Variants in AAR2 observed in about 807,000 individuals in gnomAD.
AAR2 encodes AAR2 splicing factor, also known as protein AAR2 homolog.
In AAR2, 31 loss-of-function variants were observed where a neutral mutation model predicts 26.9. The observed-to-expected ratio is 1.15, with a 90% CI of 0.86 to 1.55. AAR2 has a LOEUF of 1.55. Ranked by LOEUF, AAR2 falls within the 40% of genes most tolerant of loss-of-function variation. AAR2 has a pLI of 0.00. For synonymous variants in AAR2, 188 were observed against 196.1 expected (o/e 0.96, Z 0.34); for missense variants, 430 against 491.3 (o/e 0.88, Z 1.18).
chr20:36,237,437 TC>T (rs901344248), intron 1 of AAR2, among the ~76,000 whole-genome samples: 3 of 152,206 alleles, frequency 2.0e-5, no homozygotes, highest in Admixed American at 6.5e-5. Flanking sequence ...CTTTAGGTGT[TC>T]CAGGACTGTG....
chr20:36,245,100 CAG>C (rs2064721799), intron 3 of AAR2, among the ~76,000 whole-genome samples, 174 bp downstream of exon 3: 1 of 151,956 alleles, frequency 6.6e-6, no homozygotes, highest in African/African-American at 2.4e-5. Context: ...GCCTCTATGC[CAG>C]AAATTTTCTC....
chr20:36,254,687 T>TA (rs1444791240), intron 3 of AAR2, among the ~76,000 whole-genome samples: 1 of 152,184 alleles, frequency 6.6e-6, no homozygotes, highest in African/African-American at 2.4e-5. Flanking sequence ...TGCCACAGTT[T>TA]AAAAAATAAA....
At chr20:36,244,668 G>A in intron 2 of AAR2, 29 bp from the exon 3 acceptor site, 1 of 1,604,366 alleles carries the variant, frequency 6.2e-7, no homozygotes, top group Non-Finnish European at 8.5e-7. Flanking sequence ...CTCTCCCTCA[G>A]AATCACTTCT....
At position 36,240,398 on chromosome 20, in the gene AAR2, A is replaced by G. The variant is rs747984876; in HGVS notation, c.530A>G (p.Asn177Ser). The G allele has an allele frequency of 1.2e-6, 2 of 1,614,254 alleles. No individual in the cohort carries two copies. The highest frequency in any genetic ancestry group is 3.3e-5 in the Admixed American group (2 of 60,030). The stretch of plus-strand genomic sequence containing the variant: ...CACACCAAGGACCGCGTGGGGCAGA[A>G]TCTACCCCGCTGTGGCATTGAGTGC... ...MKHTKDRVGQ[N>S]LPRCGIECKS... The change falls in exon 2 of 4, where the codon AAT becomes AGT. Residue 177 changes from asparagine to serine, a missense_variant. Physicochemically the swap from Asn to Ser is conservative, Grantham distance 46. Coordinates refer to ENST00000320849, the MANE Select transcript of AAR2 (RefSeq NM_001271874.2).
chr20:36,239,852 C>G lies in AAR2; in HGVS notation c.-17C>G. 6.5e-7 allele frequency: 1 copy of G among 1,536,894 alleles called. No homozygotes were observed. Among genetic ancestry groups the G allele is most frequent in the Non-Finnish European group, 8.8e-7 (1 of 1,141,078 alleles). ...ATCAAAGAAAAAGGGTTCTTTTGGT[C>G]ACCCACCACTGGCCCCATGGCTGCC... On this transcript the variant is annotated 5_prime_UTR_variant, in exon 2 of 4. Transcript: ENST00000320849.
chr20:36,252,666 A>C (rs1601186297), intron 3 of AAR2, among the ~76,000 whole-genome samples: 1 of 152,306 alleles, frequency 6.6e-6, no homozygotes, highest in Admixed American at 6.5e-5. Context: ...GCAGTGGCAC[A>C]TGTTTGGGCA....
At chr20:36,251,699 C>G (rs1158930339) in intron 3 of AAR2, among the ~76,000 whole-genome samples, 1 of 152,234 alleles carries the variant, frequency 6.6e-6, no homozygotes, top group Non-Finnish European at 1.5e-5. Context: ...TCCTGCCTCC[C>G]AGGCTGTGGT....
intron 3 of AAR2, among the ~76,000 whole-genome samples, chr20:36,245,928 G>A (rs556701354): frequency 2.5e-4 from 38 of 152,306 alleles, no homozygotes; most frequent in Non-Finnish European, 4.6e-4. Context: ...GCTGAGACAG[G>A]AGGATCACTT....
At chr20:36,252,089 G>C (rs758671694) in intron 3 of AAR2, among the ~76,000 whole-genome samples, 4 of 152,230 alleles carry the variant, frequency 2.6e-5, no homozygotes, top group Admixed American at 2.0e-4. Context: ...CATGAGGGAG[G>C]CTCGGGCACA....
intron 2 of AAR2, among the ~76,000 whole-genome samples, chr20:36,244,390 T>C (rs555983613): frequency 6.6e-6 from 1 of 152,218 alleles, no homozygotes; most frequent in African/African-American, 2.4e-5. Context: ...ATAATATCCA[T>C]GAACACATTT....
At chr20:36,244,589 C>T (rs2064714950) in intron 2 of AAR2, 108 bp from the exon 3 acceptor site, 19 of 1,046,544 alleles carry the variant, frequency 1.8e-5, no homozygotes, top group Non-Finnish European at 2.6e-5. Flanking sequence ...GATAAAAGCT[C>T]ATCTGTTGCT....
chr20:36,253,267 A>T (rs1299774204), intron 3 of AAR2, among the ~76,000 whole-genome samples: 1 of 152,210 alleles, frequency 6.6e-6, no homozygotes, highest in Non-Finnish European at 1.5e-5. Flanking sequence ...CCTGCGGCCC[A>T]GCATTTTCCA....
At chr20:36,240,975 A>G (rs1030273845) in intron 2 of AAR2, among the ~76,000 whole-genome samples, 2 of 152,206 alleles carry the variant, frequency 1.3e-5, no homozygotes, top group African/African-American at 4.8e-5. Context: ...TTTCTGGGCC[A>G]GACCTGTGTT....
chr20:36,244,818 C>G lies in AAR2; in HGVS notation c.879C>G (p.Thr293=). ...RSEAAMMKHH[T]LYINLISILY... ...AAGCAGCCATGATGAAGCACCACAC[C>G]CTCTACATCAACCTCATCTCCATCC... Residue 293 remains threonine (T), a synonymous_variant, in exon 3 of 4, where the codon ACC becomes ACG. Transcript: ENST00000320849. The G allele has an allele frequency of 1.2e-6, 2 of 1,614,140 alleles. No individual in the cohort carries two copies. Among genetic ancestry groups the G allele is most frequent in the Non-Finnish European group, 1.7e-6 (2 of 1,180,020 alleles).
chr20:36,240,671 T>G (rs770336178), intron 2 of AAR2, 46 bp downstream of exon 2: 1 of 1,576,518 alleles, frequency 6.3e-7, no homozygotes, highest in Admixed American at 1.8e-5. Context: ...GGGGAGGATA[T>G]TAGCAGAGGT....
At chr20:36,248,721 T>G (rs1305230080) in intron 3 of AAR2, among the ~76,000 whole-genome samples, 1 of 152,146 alleles carries the variant, frequency 6.6e-6, no homozygotes, top group African/African-American at 2.4e-5. Flanking sequence ...CAGTGGAGTC[T>G]GATCAAAGGG....
chr20:36,246,752 A>G (rs1167013219), intron 3 of AAR2, among the ~76,000 whole-genome samples: 1 of 152,266 alleles, frequency 6.6e-6, no homozygotes, highest in Non-Finnish European at 1.5e-5. Flanking sequence ...CTGGATTGCT[A>G]GATGCCCAGG....
intron 2 of AAR2, among the ~76,000 whole-genome samples, chr20:36,242,958 A>T (rs2064698927): frequency 6.7e-6 from 1 of 150,068 alleles, no homozygotes; most frequent in Non-Finnish European, 1.5e-5. Context: ...CCTGGGCTCA[A>T]CTGAGCCTCC....
At chr20:36,242,143 CT>C (rs11333425) in intron 2 of AAR2, among the ~76,000 whole-genome samples, 25,866 of 102,128 alleles carry the variant, frequency 0.25, 2,207 homozygotes, top group African/African-American at 0.46. Flanking sequence ...TGTAGGACTT[CT>C]TTTTTTTTTT....
Sources: gnomAD v4.1 joint callset for allele counts (sites outside exome capture counted in the v4.1 genomes callset) on GRCh38, gnomAD v4.1.1 for gene constraint, MANE v1.5 for transcripts, NCBI Gene and HGNC (gene_info 2026-07-23, HGNC 2026-07-21) for gene names.